ST6GALNAC3: variants seen among roughly 807,000 people sequenced by gnomAD.
The protein encoded by ST6GALNAC3 is alpha-N-acetylgalactosaminide alpha-2,6-sialyltransferase 3.
ST6GALNAC3 carries 25 observed loss-of-function variants against 32.7 expected under a neutral mutation model. The ratio of observed to expected loss-of-function variants is 0.76; its 90% CI spans 0.56 to 1.07. The LOEUF (loss-of-function observed/expected upper bound fraction) is 1.07, where lower values mean the gene tolerates loss of function less well. Among genes scored for constraint, ST6GALNAC3 ranks in the 50% least tolerant of loss-of-function variants. The pLI, the probability that ST6GALNAC3 is intolerant of heterozygous loss-of-function variation, is 0.00. For synonymous variants in ST6GALNAC3, 129 were observed against 133.1 expected (o/e 0.97, Z 0.21); for missense variants, 355 against 382.4 (o/e 0.93, Z 0.60).
chr1:76,509,492 A>T lies in ST6GALNAC3; in HGVS notation c.623+97075A>T, dbSNP rs190693383. 1.3e-5 allele frequency among the ~76,000 whole-genome samples: 2 copies of T among 152,336 alleles called. No individual in the cohort carries two copies. Among genetic ancestry groups the T allele is most frequent in the East Asian group, 3.9e-4 (2 of 5,190 alleles). On this transcript the variant is annotated intron_variant, in intron 3 of 4. Transcript: ENST00000328299. This position sits in a 1 kb window ranked among gnomAD's most constrained non-coding sequence, Gnocchi z 5.5. ...GTAAGAGCAGTTCTTGAGGTATTGA[A>T]TCTACATGAAAGGGATGGAATAAAC...
intron 3 of ST6GALNAC3, among the ~76,000 whole-genome samples, chr1:76,540,423 A>G (rs1005230895): frequency 2.0e-5 from 3 of 152,146 alleles, no homozygotes; most frequent in African/African-American, 7.2e-5. Context: ...ATCATGACAC[A>G]CTATACCTAT....
intron 3 of ST6GALNAC3, among the ~76,000 whole-genome samples, chr1:76,548,766 C>T (rs552765602): frequency 6.6e-6 from 1 of 152,220 alleles, no homozygotes; most frequent in South Asian, 2.1e-4. Context: ...TGGTATATGC[C>T]TCTCCCTCTC....
At chr1:76,407,718 A>C (rs550130182) in intron 2 of ST6GALNAC3, among the ~76,000 whole-genome samples, 11 of 152,058 alleles carry the variant, frequency 7.2e-5, no homozygotes, top group African/African-American at 2.7e-4. Context: ...CAATTCAACT[A>C]TAAAGGGAGA....
intron 3 of ST6GALNAC3, among the ~76,000 whole-genome samples, chr1:76,539,178 AG>A (rs1663820996): frequency 6.6e-6 from 1 of 152,178 alleles, no homozygotes; most frequent in Admixed American, 6.5e-5. Flanking sequence ...ATATAGACCA[AG>A]GGAACAGAAC....
chr1:76,484,947 G>T (rs146501184), intron 3 of ST6GALNAC3, among the ~76,000 whole-genome samples: 1 of 152,024 alleles, frequency 6.6e-6, no homozygotes, highest in Non-Finnish European at 1.5e-5. Flanking sequence ...GTTGAATTTC[G>T]TCAAAGGCCT....
At chr1:76,557,080 T>C (rs1664971744) in intron 3 of ST6GALNAC3, among the ~76,000 whole-genome samples, 1 of 152,044 alleles carries the variant, frequency 6.6e-6, no homozygotes, top group African/African-American at 2.4e-5. Flanking sequence ...TTCACTTTTT[T>C]TGCATGTGAA....
intron 3 of ST6GALNAC3, among the ~76,000 whole-genome samples, chr1:76,419,990 T>C (rs1654919214): frequency 6.6e-6 from 1 of 150,894 alleles, no homozygotes; most frequent in African/African-American, 2.4e-5. Context: ...GAAAGTTTAA[T>C]AGGCAAGAAA....
At chr1:76,418,388 G>A (rs867978245) in intron 3 of ST6GALNAC3, among the ~76,000 whole-genome samples, 7 of 151,518 alleles carry the variant, frequency 4.6e-5, no homozygotes, top group Admixed American at 4.6e-4. Flanking sequence ...GAAGGTGGAG[G>A]GCAAAAACCA....
intron 3 of ST6GALNAC3, among the ~76,000 whole-genome samples, chr1:76,540,298 T>A (rs186055608): frequency 8.6e-5 from 13 of 151,612 alleles, no homozygotes; most frequent in Middle Eastern, 3.4e-3. Context: ...TAAGTGGGAG[T>A]TGAACAATGA....
At chr1:76,083,196 T>C (rs1646920762) in intron 1 of ST6GALNAC3, among the ~76,000 whole-genome samples, 2 of 152,214 alleles carry the variant, frequency 1.3e-5, no homozygotes, top group Non-Finnish European at 2.9e-5. Context: ...TGAGTCCTGA[T>C]CTGGGATTAA....
chr1:76,528,417 A>T (rs899682603), intron 3 of ST6GALNAC3, among the ~76,000 whole-genome samples: 3 of 152,064 alleles, frequency 2.0e-5, no homozygotes, highest in African/African-American at 7.2e-5. Context: ...CTGGAATTGG[A>T]GCTCATTCAT....
chr1:76,093,804 C>T (rs926205427), intron 1 of ST6GALNAC3, among the ~76,000 whole-genome samples: 1 of 152,162 alleles, frequency 6.6e-6, no homozygotes, highest in African/African-American at 2.4e-5. Flanking sequence ...CCTTGGAAGC[C>T]CAAAACCTCA....
At chr1:76,418,530 A>AATAAATACC (rs1256113540) in intron 3 of ST6GALNAC3, among the ~76,000 whole-genome samples, 1 of 152,176 alleles carries the variant, frequency 6.6e-6, no homozygotes, top group African/African-American at 2.4e-5. Context: ...CCTAACTCAG[A>AATAAATACC]ATAAATACCT....
intron 2 of ST6GALNAC3, among the ~76,000 whole-genome samples, chr1:76,399,231 A>C (rs1264061612): frequency 6.6e-6 from 1 of 151,992 alleles, no homozygotes; most frequent in African/African-American, 2.4e-5. Flanking sequence ...GTGCTTTTCT[A>C]TTTTGTTTAA....
chr1:76,613,405 C>A (rs1243846129), intron 3 of ST6GALNAC3, among the ~76,000 whole-genome samples: 1 of 152,166 alleles, frequency 6.6e-6, no homozygotes, highest in Non-Finnish European at 1.5e-5. Flanking sequence ...GTACAGAGCA[C>A]ATTTCAATCC....
chr1:76,341,662 T>TTCCTTCC (rs1648023766), intron 2 of ST6GALNAC3, among the ~76,000 whole-genome samples: 1 of 147,034 alleles, frequency 6.8e-6, no homozygotes, highest in African/African-American at 2.6e-5. Flanking sequence ...TCTTTCTTTC[T>TTCCTTCC]TTCTTTCTTT....
intron 2 of ST6GALNAC3, among the ~76,000 whole-genome samples, chr1:76,344,579 A>T (rs921265266): frequency 6.6e-6 from 1 of 152,180 alleles, no homozygotes; most frequent in African/African-American, 2.4e-5. Flanking sequence ...TTAGAAGAGT[A>T]ACCGGCACAT....
At chr1:76,532,794 T>C (rs1198626827) in intron 3 of ST6GALNAC3, among the ~76,000 whole-genome samples, 2 of 152,164 alleles carry the variant, frequency 1.3e-5, no homozygotes. Flanking sequence ...TTTACTGTTG[T>C]ATGATTTTCA....
chr1:76,599,682 G>A (rs570667205), intron 3 of ST6GALNAC3, among the ~76,000 whole-genome samples: 44 of 150,056 alleles, frequency 2.9e-4, no homozygotes, highest in African/African-American at 9.8e-4. Context: ...AGTAAAATTC[G>A]TTGTTTGATT....
Sources: gnomAD v4.1 joint callset for allele counts (sites outside exome capture counted in the v4.1 genomes callset) on GRCh38, gnomAD v4.1.1 for gene constraint, Gnocchi (gnomAD v3.1) non-coding constraint, MANE v1.5 for transcripts, NCBI Gene and HGNC (gene_info 2026-07-23, HGNC 2026-07-21) for gene names.